NSUN6: variants seen among roughly 807,000 people sequenced by gnomAD.
NSUN6 encodes tRNA (cytosine(72)-C(5))-methyltransferase NSUN6.
A neutral mutation model predicts 58.0 loss-of-function variants in NSUN6; 64 were observed. The ratio of observed to expected loss-of-function variants is 1.10; its 90% CI spans 0.90 to 1.36. The LOEUF is 1.36. NSUN6 is among the 40% of genes most tolerant of loss of function. The probability of loss-of-function intolerance (pLI) is 0.00; values close to 1 mark genes in which losing one functional copy is unlikely to be tolerated. For missense variants in NSUN6, 701 were observed against 550.1 expected (o/e 1.27, Z -2.74); for synonymous variants, 231 against 193.9 (o/e 1.19, Z -1.59).
intron 6 of NSUN6, among the ~76,000 whole-genome samples, chr10:18,605,837 T>A (rs2058028951): frequency 6.6e-6 from 1 of 152,148 alleles, no homozygotes; most frequent in South Asian, 2.1e-4. Flanking sequence ...GACAGGGATC[T>A]AATAAAAAAA....
chr10:18,643,299 T>C (rs978297700), intron 2 of NSUN6, among the ~76,000 whole-genome samples: 2 of 151,354 alleles, frequency 1.3e-5, no homozygotes, highest in African/African-American at 4.9e-5. Context: ...AAAAAACAGC[T>C]GCATAGGGGA....
At chr10:18,634,768 CA>C (rs763751729) in intron 3 of NSUN6, among the ~76,000 whole-genome samples, 27 of 86,434 alleles carry the variant, frequency 3.1e-4, no homozygotes, top group African/African-American at 7.6e-4. Context: ...AACAAACAAA[CA>C]AAACAAAACA....
At chr10:18,579,877 A>G (rs1475426974) in intron 8 of NSUN6, among the ~76,000 whole-genome samples, 3 of 152,142 alleles carry the variant, frequency 2.0e-5, no homozygotes, top group East Asian at 1.9e-4. Context: ...TCATATGTGC[A>G]TTTGTCTCAG....
chr10:18,588,618 G>A (rs1259336665), intron 7 of NSUN6, among the ~76,000 whole-genome samples: 2 of 152,194 alleles, frequency 1.3e-5, no homozygotes, highest in East Asian at 3.9e-4. Context: ...AGCCTCCACT[G>A]GTGATACCCA....
intron 4 of NSUN6, 138 bp from the exon 5 acceptor site, chr10:18,614,751 T>A: frequency 7.7e-6 from 3 of 392,118 alleles, no homozygotes; most frequent in Non-Finnish European, 1.4e-5. Flanking sequence ...ATTACCTCAA[T>A]CTTTAATAGA....
At chr10:18,566,067 A>G (rs1457283041) in intron 8 of NSUN6, among the ~76,000 whole-genome samples, 2 of 148,812 alleles carry the variant, frequency 1.3e-5, no homozygotes, top group Admixed American at 6.7e-5. Flanking sequence ...ATTCTACTCT[A>G]TTCCATTCTC....
At chr10:18,608,334 TAA>T (rs2058111638) in intron 6 of NSUN6, among the ~76,000 whole-genome samples, 1 of 152,018 alleles carries the variant, frequency 6.6e-6, no homozygotes, top group Non-Finnish European at 1.5e-5. Context: ...TCTCTTTTTA[TAA>T]AGTCAAAACT....
intron 8 of NSUN6, among the ~76,000 whole-genome samples, chr10:18,560,046 A>C (rs888449636): frequency 6.9e-6 from 1 of 143,942 alleles, no homozygotes; most frequent in African/African-American, 2.6e-5. Context: ...GCTGGAATGG[A>C]GAATGGAATG....
At chr10:18,561,064 T>C (rs1657855248) in intron 8 of NSUN6, among the ~76,000 whole-genome samples, 1 of 134,666 alleles carries the variant, frequency 7.4e-6, no homozygotes, top group Non-Finnish European at 1.6e-5. Context: ...TGGAGGATGG[T>C]ATAGAAAATG....
At chr10:18,548,265 A>G in intron 9 of NSUN6, 28 bp from the exon 10 acceptor site, 1 of 1,586,660 alleles carries the variant, frequency 6.3e-7, no homozygotes, top group Non-Finnish European at 8.6e-7. Flanking sequence ...CAGACCACAC[A>G]CAGCACAAGA....
At chr10:18,558,853 T>A (rs1181799228) in intron 8 of NSUN6, among the ~76,000 whole-genome samples, 1 of 149,114 alleles carries the variant, frequency 6.7e-6, no homozygotes, top group Non-Finnish European at 1.5e-5. Context: ...GAATGGAGAA[T>A]GCAATGGAAT....
chr10:18,591,623 T>C (rs1313805286), intron 7 of NSUN6, among the ~76,000 whole-genome samples: 1 of 152,140 alleles, frequency 6.6e-6, no homozygotes, highest in East Asian at 1.9e-4. Context: ...AAAAACCACA[T>C]GATTATCTCA....
Position 18,576,386 on chromosome 10 carries a change from A to AC in NSUN6, c.922+9562dup, listed in dbSNP as rs142925766. Among the ~76,000 whole-genome samples, 1,281 of 152,046 alleles carry AC rather than the reference A, an allele frequency of 8.4e-3. 14 individuals carry two copies. Among genetic ancestry groups the AC allele is most frequent in the South Asian group, 0.033 (160 of 4,806 alleles). ...ATTTAATCCAGGGAGATTTCAATAGACCCCAGTGTCAACCAGGAGTCTTAC... is the reference window on the plus strand; with the variant it reads ...ATTTAATCCAGGGAGATTTCAATAGACCCCCAGTGTCAACCAGGAGTCTTAC... On this transcript the variant is annotated intron_variant, in intron 8 of 10. Transcript: ENST00000377304.
At chr10:18,556,085 T>C (rs959857908) in intron 8 of NSUN6, among the ~76,000 whole-genome samples, 9 of 142,830 alleles carry the variant, frequency 6.3e-5, no homozygotes, top group Non-Finnish European at 1.4e-4. Flanking sequence ...GAATCGAGAA[T>C]TGAATGGAAT....
intron 3 of NSUN6, among the ~76,000 whole-genome samples, chr10:18,638,171 G>T (rs1424284289): frequency 6.6e-6 from 1 of 152,168 alleles, no homozygotes. Flanking sequence ...GGCCAGGTGA[G>T]GTGGCTCACA....
At chr10:18,643,861 T>C (rs1274095914) in intron 2 of NSUN6, among the ~76,000 whole-genome samples, 5 of 152,210 alleles carry the variant, frequency 3.3e-5, no homozygotes, top group South Asian at 4.1e-4. Context: ...CCAAAGGTCA[T>C]TGTCTCTCCC....
chr10:18,651,237 T>C lies in NSUN6; in HGVS notation c.-34A>G. 1 of 1,517,534 alleles carries C rather than the reference T, an allele frequency of 6.6e-7. No individual in the cohort carries two copies. Among genetic ancestry groups the C allele is most frequent in the Non-Finnish European group, 8.8e-7 (1 of 1,138,836 alleles). 94.0% of individuals were successfully genotyped at this position (1,517,534 alleles called of 1,614,324 possible). A position where few individuals can be genotyped will look rare whatever the true frequency, so the allele number is the denominator to read the frequency against. ...TTGTTTAGTTCTCCACCAAGAGAAATGCTGGAAAACGGTGTTTTGTTTTTT... is the reference window on the plus strand; with the variant it reads ...TTGTTTAGTTCTCCACCAAGAGAAACGCTGGAAAACGGTGTTTTGTTTTTT... On this transcript the variant is annotated 5_prime_UTR_variant, in exon 1 of 11. Transcript: ENST00000377304.
At chr10:18,653,297 G>T, upstream of NSUN6, 2 of 981,328 alleles carry the variant, frequency 2.0e-6, no homozygotes, top group Non-Finnish European at 2.4e-6. Context: ...ATAAACTATG[G>T]AAAGAAAATG....
chr10:18,545,908 T>G lies in NSUN6; in HGVS notation c.*25A>C. 1 of 1,310,466 alleles carries G rather than the reference T, an allele frequency of 7.6e-7. No homozygotes were observed. Among genetic ancestry groups the G allele is most frequent in the Non-Finnish European group, 1.1e-6 (1 of 920,870 alleles). The allele number at this position is 1,310,466 out of a possible 1,614,324, so 81.2% of individuals were successfully genotyped here. A position where few individuals can be genotyped will look rare whatever the true frequency, so the allele number is the denominator to read the frequency against. ...CACAGACAGCAAATGTTTGGAATTT[T>G]CATTTCTGAGCATCCATCCCTCTCC... On this transcript the variant is annotated 3_prime_UTR_variant, in exon 11 of 11. Transcript: ENST00000377304.
Sources: allele counts gnomAD v4.1 joint callset (sites outside exome capture counted in the v4.1 genomes callset), GRCh38; gene constraint gnomAD v4.1.1; transcripts MANE v1.5; gene names NCBI Gene and HGNC (gene_info 2026-07-23, HGNC 2026-07-21).